The following PIBF1 variants were observed in gnomAD, a reference collection of about 807,000 sequenced individuals.
PIBF1 encodes the protein progesterone-induced-blocking factor 1.
Under a neutral mutation model 112.5 loss-of-function variants are expected in PIBF1, and 90 were observed. That is an observed-to-expected ratio of 0.80 (90% CI 0.67 to 0.95). The LOEUF is 0.95. Among genes scored for constraint, PIBF1 ranks in the 40% least tolerant of loss-of-function variants. The probability of loss-of-function intolerance (pLI) is 0.00; values close to 1 mark genes in which losing one functional copy is unlikely to be tolerated. For missense variants in PIBF1, 915 were observed against 852.3 expected (o/e 1.07, Z -0.92); for synonymous variants, 301 against 288.6 (o/e 1.04, Z -0.44).
intron 9 of PIBF1, among the ~76,000 whole-genome samples, chr13:72,851,282 G>A (rs2038140319): frequency 6.6e-6 from 1 of 152,194 alleles, no homozygotes; most frequent in African/African-American, 2.4e-5. Context: ...TCGGCCTAGG[G>A]AGCCCCCTTC....
intron 2 of PIBF1, among the ~76,000 whole-genome samples, chr13:72,784,892 G>A (rs1473884864): frequency 6.6e-6 from 1 of 151,598 alleles, no homozygotes; most frequent in Admixed American, 6.6e-5. Context: ...TGTTGTTGTT[G>A]GAGACAGTCT....
At chr13:72,915,550 C>A (rs2041056953) in intron 12 of PIBF1, among the ~76,000 whole-genome samples, 1 of 152,138 alleles carries the variant, frequency 6.6e-6, no homozygotes. Context: ...ACTAAATTTA[C>A]CCCTCTCTCC....
chr13:72,904,104 T>C (rs2040596508), intron 11 of PIBF1, among the ~76,000 whole-genome samples: 1 of 152,030 alleles, frequency 6.6e-6, no homozygotes, highest in Non-Finnish European at 1.5e-5. Flanking sequence ...TTTTTTTTTT[T>C]TCACTTTTCA....
chr13:72,904,451 T>TTTTTTTTGTTTTTTTTTG, intron 11 of PIBF1, among the ~76,000 whole-genome samples: 1 of 123,564 alleles, frequency 8.1e-6, no homozygotes, highest in African/African-American at 3.1e-5. Flanking sequence ...TTTTTTTTTT[T>TTTTTTTTGTTTTTTTTTG]TTTTTTTGAG....
rs552672343 is a variant in PIBF1, at chr13:72,952,206, A to G, written c.1834-13068A>G. On this transcript the variant is annotated intron_variant, in intron 14 of 17. Transcript: ENST00000326291. ...ATGGCTGGGATTACAGGCACACACC[A>G]CCATGCCCAGCTAATTTTTGTATTT... 3.3e-5 allele frequency among the ~76,000 whole-genome samples: 5 copies of G among 151,456 alleles called. No individual in the cohort carries two copies. The East Asian group carries it at 9.8e-4, about 30-fold the overall frequency.
At chr13:72,966,875 C>T (rs1252616919) in intron 15 of PIBF1, among the ~76,000 whole-genome samples, 1 of 151,826 alleles carries the variant, frequency 6.6e-6, no homozygotes, top group East Asian at 1.9e-4. Context: ...TTTCACTGCA[C>T]TCCAGCTTGG....
At chr13:72,830,675 C>A (rs1295836252) in intron 8 of PIBF1, among the ~76,000 whole-genome samples, 2 of 152,056 alleles carry the variant, frequency 1.3e-5, no homozygotes, top group Admixed American at 6.5e-5. Context: ...ATTTGGTTTG[C>A]CAGTATTTTA....
At chr13:72,932,587 C>G (rs2138775527) in intron 14 of PIBF1, among the ~76,000 whole-genome samples, 1 of 152,182 alleles carries the variant, frequency 6.6e-6, no homozygotes, top group Non-Finnish European at 1.5e-5. Flanking sequence ...TATAAATACT[C>G]CCACCATGGC....
intron 11 of PIBF1, chr13:72,900,958 A>G (rs1384808457): frequency 6.2e-6 from 2 of 324,166 alleles, no homozygotes; most frequent in Admixed American, 4.0e-5. Flanking sequence ...GGAGGCGTAC[A>G]TTGCAGTGAA....
intron 12 of PIBF1, among the ~76,000 whole-genome samples, chr13:72,911,558 T>A (rs894812262): frequency 3.3e-5 from 5 of 151,538 alleles, no homozygotes; most frequent in African/African-American, 1.2e-4. Context: ...TGGAGTACAT[T>A]AAGACTTTTT....
At chr13:72,847,064 T>A (rs1030792590) in intron 9 of PIBF1, among the ~76,000 whole-genome samples, 1 of 152,240 alleles carries the variant, frequency 6.6e-6, no homozygotes, top group African/African-American at 2.4e-5. Context: ...GTTAACCATC[T>A]ACCAGATTCA....
chr13:72,855,657 T>G (rs181525147), intron 10 of PIBF1, among the ~76,000 whole-genome samples: 2 of 151,870 alleles, frequency 1.3e-5, no homozygotes, highest in African/African-American at 4.8e-5. Flanking sequence ...TCAAAAAAAA[T>G]TTTTTTAGTT....
chr13:72,824,640 G>A (rs538880487), intron 6 of PIBF1, among the ~76,000 whole-genome samples: 1 of 152,152 alleles, frequency 6.6e-6, no homozygotes, highest in East Asian at 1.9e-4. Flanking sequence ...TTTTGTAGCC[G>A]CATAATAATA....
At chr13:72,848,168 G>C (rs1233994582) in intron 9 of PIBF1, among the ~76,000 whole-genome samples, 1 of 152,132 alleles carries the variant, frequency 6.6e-6, no homozygotes, top group Non-Finnish European at 1.5e-5. Context: ...TTTAAGTTCT[G>C]AGGCATTAGG....
intron 12 of PIBF1, among the ~76,000 whole-genome samples, chr13:72,910,778 A>G (rs751443886): frequency 6.6e-6 from 1 of 152,226 alleles, no homozygotes; most frequent in Non-Finnish European, 1.5e-5. Context: ...CCAAAAATAT[A>G]CTAGAAGTAA....
At chr13:72,933,593 C>T (rs923502769) in intron 14 of PIBF1, among the ~76,000 whole-genome samples, 6 of 152,196 alleles carry the variant, frequency 3.9e-5, no homozygotes, top group East Asian at 3.8e-4. Flanking sequence ...GCCTGGGAGG[C>T]GGAGGTTGCA....
intron 15 of PIBF1, among the ~76,000 whole-genome samples, chr13:72,967,204 G>A (rs1046119074): frequency 2.0e-5 from 3 of 152,036 alleles, no homozygotes; most frequent in Admixed American, 6.6e-5. Flanking sequence ...GAAGTGCTAG[G>A]ATTAAAGGCA....
chr13:72,886,392 G>A (rs1255128822), intron 10 of PIBF1, among the ~76,000 whole-genome samples: 1 of 151,322 alleles, frequency 6.6e-6, no homozygotes, highest in Non-Finnish European at 1.5e-5. Flanking sequence ...TGACACAAAA[G>A]GGAAAACAGA....
chr13:72,930,348 T>C, intron 13 of PIBF1, among the ~76,000 whole-genome samples: 1 of 152,146 alleles, frequency 6.6e-6, no homozygotes, highest in East Asian at 1.9e-4. Flanking sequence ...TTAACTAGTA[T>C]AAAATATGAA....
Sources: allele counts gnomAD v4.1 joint callset (sites outside exome capture counted in the v4.1 genomes callset), GRCh38; gene constraint gnomAD v4.1.1; transcripts MANE v1.5; gene names NCBI Gene and HGNC (gene_info 2026-07-23, HGNC 2026-07-21).